TSHZ1: variants seen among roughly 807,000 people sequenced by gnomAD.
TSHZ1 encodes teashirt homolog 1.
A neutral mutation model predicts 67.1 loss-of-function variants in TSHZ1; 12 were observed. The observed-to-expected ratio is 0.18, with a 90% CI of 0.11 to 0.29. The LOEUF (loss-of-function observed/expected upper bound fraction) is 0.29. Among genes scored for constraint, TSHZ1 ranks in the 10% least tolerant of loss-of-function variants. TSHZ1 has a pLI of 1.00. For synonymous variants in TSHZ1, 632 were observed against 622.4 expected, an observed-to-expected ratio of 1.02 and a Z score of -0.23; for missense variants, 1,305 against 1,413.9, an observed-to-expected ratio of 0.92 and a Z score of 1.23.
chr18:75,246,670 C>T (rs924583422), intron 1 of TSHZ1, among the ~76,000 whole-genome samples: 14 of 152,042 alleles, frequency 9.2e-5, no homozygotes, highest in Non-Finnish European at 1.5e-4. Context: ...CTTCAGTTCT[C>T]TGTGTGGGGG....
At chr18:75,266,137 G>A (rs908975392) in intron 1 of TSHZ1, among the ~76,000 whole-genome samples, 1 of 152,214 alleles carries the variant, frequency 6.6e-6, no homozygotes, top group African/African-American at 2.4e-5. Context: ...TACTAGAAGG[G>A]TGACAGACCA....
intron 1 of TSHZ1, among the ~76,000 whole-genome samples, chr18:75,224,150 G>C (rs1293694363): frequency 1.3e-5 from 2 of 150,046 alleles, no homozygotes; most frequent in African/African-American, 4.9e-5. Flanking sequence ...TTTCTTATTG[G>C]AACGCTTTCA....
At chr18:75,276,677 A>G (rs1310069320) in intron 1 of TSHZ1, among the ~76,000 whole-genome samples, 3 of 152,232 alleles carry the variant, frequency 2.0e-5, no homozygotes, top group Non-Finnish European at 2.9e-5. Flanking sequence ...GTATTTTGAT[A>G]TAATGGCCAT....
chr18:75,247,172 C>T (rs2023234473), intron 1 of TSHZ1, among the ~76,000 whole-genome samples: 2 of 152,150 alleles, frequency 1.3e-5, no homozygotes, highest in South Asian at 4.1e-4. Flanking sequence ...GTTGCCGCAT[C>T]GACCCACCAC....
At chr18:75,253,389 A>G (rs2023326877) in intron 1 of TSHZ1, among the ~76,000 whole-genome samples, 1 of 152,230 alleles carries the variant, frequency 6.6e-6, no homozygotes, top group Admixed American at 6.5e-5. Flanking sequence ...TGCTGAATCA[A>G]TGGGGAGTGT....
At position 75,285,430 on chromosome 18, in the gene TSHZ1, T is replaced by G; in HGVS notation, c.41-18T>G. The G allele has an allele frequency of 6.9e-7, 1 of 1,439,012 alleles. No individual in the cohort carries two copies. Among genetic ancestry groups the G allele is most frequent in the Non-Finnish European group, 9.1e-7 (1 of 1,095,598 alleles). 89.1% of individuals were successfully genotyped at this position (1,439,012 alleles called of 1,614,324 possible). A position where few individuals can be genotyped will look rare whatever the true frequency, so the allele number is the denominator to read the frequency against. On this transcript the variant is annotated intron_variant, in intron 1 of 1. Transcript: ENST00000580243. ...GATGATTTACTTCTTCTAACTGGGTTTCATTTTTCTCTCCTAGCTTATGTT... is the reference window on the plus strand; with the variant it reads ...GATGATTTACTTCTTCTAACTGGGTGTCATTTTTCTCTCCTAGCTTATGTT...
chr18:75,260,054 CG>C (rs890132963), intron 1 of TSHZ1, among the ~76,000 whole-genome samples: 2 of 152,188 alleles, frequency 1.3e-5, no homozygotes, highest in Non-Finnish European at 2.9e-5. Context: ...TAGCAGCTAT[CG>C]GCCCATGATT....
chr18:75,268,898 T>C (rs961139861), intron 1 of TSHZ1, among the ~76,000 whole-genome samples: 2 of 152,160 alleles, frequency 1.3e-5, no homozygotes, highest in Non-Finnish European at 2.9e-5. Flanking sequence ...TGTTTTTCCC[T>C]TTTCCACCCC....
intron 1 of TSHZ1, among the ~76,000 whole-genome samples, chr18:75,242,351 C>T (rs2023167094): frequency 6.6e-6 from 1 of 152,172 alleles, no homozygotes; most frequent in African/African-American, 2.4e-5. Flanking sequence ...AGGGAGTCAT[C>T]GCATCTACAG....
chr18:75,233,098 A>C (rs2023021208), intron 1 of TSHZ1, among the ~76,000 whole-genome samples: 1 of 152,210 alleles, frequency 6.6e-6, no homozygotes, highest in African/African-American at 2.4e-5. Context: ...CCACAGCCTC[A>C]GCAGCTCTGG....
rs1362614830 is a variant in TSHZ1, at chr18:75,288,758, C to T, written c.*117C>T. The T allele has an allele frequency of 1.4e-6, 2 of 1,462,694 alleles. No individual in the cohort carries two copies. Among genetic ancestry groups the T allele is most frequent in the Admixed American group, 5.4e-5 (2 of 37,332 alleles). The allele number at this position is 1,462,694 out of a possible 1,614,324, so 90.6% of individuals were successfully genotyped here. A position where few individuals can be genotyped will look rare whatever the true frequency, so the allele number is the denominator to read the frequency against. ...TTGTTGCTGGCCCGCCTCTCTGGAC[C>T]TTGGTTTTCTTACACATATTTTGTA... On this transcript the variant is annotated 3_prime_UTR_variant, in exon 2 of 2. Transcript: ENST00000580243. This position sits in a 1 kb window ranked among gnomAD's most constrained non-coding sequence, Gnocchi z 4.9.
At chr18:75,272,559 T>G (rs1362545874) in intron 1 of TSHZ1, among the ~76,000 whole-genome samples, 1 of 152,254 alleles carries the variant, frequency 6.6e-6, no homozygotes, top group Non-Finnish European at 1.5e-5. Flanking sequence ...GAGAGTCACT[T>G]TACTTCTTTA....
chr18:75,285,665 C>T lies in TSHZ1; in HGVS notation c.258C>T (p.Ala86=), dbSNP rs780598158. The T allele has an allele frequency of 6.2e-7, 1 of 1,613,904 alleles. No homozygotes were observed. The highest frequency in any genetic ancestry group is 1.1e-5 in the South Asian group (1 of 91,074). Reference sequence around the variant, plus strand: ...TCAGTGAGAGCAGCGACCAGCTAGCCCATTTCAAAGGCTCTTCCTCTCGAG... The same window carrying T: ...TCAGTGAGAGCAGCGACCAGCTAGCTCATTTCAAAGGCTCTTCCTCTCGAG... ...SPFSESSDQL[A]HFKGSSSREE... The change falls in exon 2 of 2, where the codon GCC becomes GCT. Residue 86 remains alanine (A), a synonymous_variant. Transcript: ENST00000580243.
chr18:75,285,614 C>G lies in TSHZ1; in HGVS notation c.207C>G (p.Asn69Lys), dbSNP rs769881572. 1.9e-6 allele frequency: 3 copies of G among 1,612,904 alleles called. No individual in the cohort carries two copies. The highest frequency in any genetic ancestry group is 2.5e-6 in the Non-Finnish European group (3 of 1,179,278). Reference sequence around the variant, plus strand: ...ACTCCCCAGTCAGCTCTGCGACTAACCAGGACGCCGGCTACGGGTCGCCCT... The same window carrying G: ...ACTCCCCAGTCAGCTCTGCGACTAAGCAGGACGCCGGCTACGGGTCGCCCT... ...YQNSPVSSAT[N>K]QDAGYGSPFS... Residue 69 changes from asparagine (N) to lysine (K), a missense_variant, in exon 2 of 2, where the codon AAC (asparagine) becomes AAG (lysine). Asn to Lys is a moderately conservative substitution (Grantham distance 94). This residue lies in a region of TSHZ1 where 358 missense variants were observed against 375.6 expected (regional missense o/e 0.95). Coordinates refer to ENST00000580243, the MANE Select transcript of TSHZ1 (RefSeq NM_001308210.2).
intron 1 of TSHZ1, among the ~76,000 whole-genome samples, chr18:75,212,270 A>G (rs1051018439): frequency 4.6e-5 from 7 of 152,114 alleles, no homozygotes; most frequent in African/African-American, 1.7e-4. Context: ...AGCGCACTGG[A>G]AAAGTCCTCC....
intron 1 of TSHZ1, among the ~76,000 whole-genome samples, chr18:75,235,910 G>T (rs937462112): frequency 1.2e-4 from 18 of 152,132 alleles, no homozygotes; most frequent in Non-Finnish European, 8.8e-5. Context: ...TCTGAGATGG[G>T]GAGGCCACTC....
chr18:75,247,415 T>G (rs2023237618), intron 1 of TSHZ1, among the ~76,000 whole-genome samples: 1 of 152,212 alleles, frequency 6.6e-6, no homozygotes, highest in African/African-American at 2.4e-5. Context: ...TGTAGAAAGT[T>G]GGTTAAACAG....
chr18:75,280,535 C>T (rs2023672040), intron 1 of TSHZ1, among the ~76,000 whole-genome samples: 1 of 152,130 alleles, frequency 6.6e-6, no homozygotes, highest in African/African-American at 2.4e-5. Flanking sequence ...TAACTTGATC[C>T]CGATAGTGGC....
chr18:75,215,761 A>G (rs2022758326), intron 1 of TSHZ1, among the ~76,000 whole-genome samples: 1 of 152,226 alleles, frequency 6.6e-6, no homozygotes, highest in Non-Finnish European at 1.5e-5. Flanking sequence ...TGTCTGGATA[A>G]ACAATTTGTC....
Sources: allele counts gnomAD v4.1 joint callset (sites outside exome capture counted in the v4.1 genomes callset), GRCh38; gene constraint gnomAD v4.1.1; regional missense constraint gnomAD v4.1.1; non-coding constraint Gnocchi (gnomAD v3.1); transcripts MANE v1.5; gene names NCBI Gene and HGNC (gene_info 2026-07-23, HGNC 2026-07-21).